SGSM1: variants seen among roughly 807,000 people sequenced by gnomAD.
The protein encoded by SGSM1 is RUN and TBC1 domain containing 2.
In SGSM1, 73 loss-of-function variants were observed where a neutral mutation model predicts 133.8. The observed-to-expected ratio is 0.55, with a 90% CI of 0.45 to 0.66. The LOEUF is 0.66. SGSM1 is among the 30% of genes least tolerant of loss of function. SGSM1 has a pLI of 0.00. For synonymous variants in SGSM1, 563 were observed against 573.0 expected, an observed-to-expected ratio of 0.98 and a Z score of 0.25; for missense variants, 1,213 against 1,448.1, an observed-to-expected ratio of 0.84 and a Z score of 2.64.
chr22:24,870,179 A>G (rs1409705925), intron 12 of SGSM1, among the ~76,000 whole-genome samples: 1 of 152,192 alleles, frequency 6.6e-6, no homozygotes, highest in East Asian at 1.9e-4. Context: ...CCTGCCCTGG[A>G]TCAGGGCCTC....
intron 13 of SGSM1, 102 bp downstream of exon 13, chr22:24,876,817 C>G (rs752587862): frequency 6.8e-7 from 1 of 1,478,924 alleles, no homozygotes; most frequent in South Asian, 1.3e-5. Flanking sequence ...TGAGCATAAC[C>G]TGCGGACTCA....
At position 24,913,307 on chromosome 22, in the gene SGSM1, A is replaced by AAAAG. The variant is rs1555938959; in HGVS notation, c.2928+563_2928+566dup. On this transcript the variant is annotated intron_variant, in intron 22 of 24. Transcript: ENST00000400358. Reference sequence around the variant, plus strand: ...GACTCCATCTCAAAAAAAAAAAAAAAAAAGAAAGAAAAAAAGAAGTGCAAA... The same window carrying AAAAG: ...GACTCCATCTCAAAAAAAAAAAAAAAAAAGAAAGAAAGAAAAAAAGAAGTGCAAA... 8.0e-3 allele frequency among the ~76,000 whole-genome samples: 1,141 copies of AAAAG among 142,398 alleles called. 35 individuals carry two copies. The highest frequency in any genetic ancestry group is 0.017 in the East Asian group (75 of 4,542). The allele number at this position is 142,398 out of a possible 152,430, so 93.4% of individuals were successfully genotyped here. A position where few individuals can be genotyped will look rare whatever the true frequency, so the allele number is the denominator to read the frequency against.
At chr22:24,817,651 A>G (rs1303217992) in intron 2 of SGSM1, among the ~76,000 whole-genome samples, 3 of 151,798 alleles carry the variant, frequency 2.0e-5, no homozygotes, top group African/African-American at 7.3e-5. Context: ...GCTCCCGGCC[A>G]TGAGTATCCT....
Position 24,841,097 on chromosome 22 carries a change from G to C in SGSM1, c.64-3800G>C, listed in dbSNP as rs374743896. Among the ~76,000 whole-genome samples the C allele has an allele frequency of 6.6e-5, 10 of 152,126 alleles. No homozygotes were observed. In the East Asian group the frequency reaches 7.7e-4, roughly 12 times the overall value. ...GATCTCCTGACCTTGTGATCCGCCC[G>C]CCTTGGCCTCCCAAAGTGCTGGGAT... On this transcript the variant is annotated intron_variant, in intron 2 of 24. Coordinates refer to ENST00000400358, the MANE Select transcript of SGSM1 (RefSeq NM_001098497.3).
chr22:24,841,624 C>T (rs1929811022), intron 2 of SGSM1, among the ~76,000 whole-genome samples: 1 of 152,172 alleles, frequency 6.6e-6, no homozygotes, highest in South Asian at 2.1e-4. Flanking sequence ...GAGTCTACAG[C>T]ATTGATTCAG....
intron 2 of SGSM1, among the ~76,000 whole-genome samples, chr22:24,841,518 AT>A (rs1357996551): frequency 1.3e-5 from 2 of 152,114 alleles, no homozygotes; most frequent in African/African-American, 2.4e-5. Flanking sequence ...CCTTATTGAT[AT>A]TCTGTCTGGT....
chr22:24,868,355 T>C (rs954850379), intron 10 of SGSM1, 21 bp from the exon 11 acceptor site: 2 of 1,601,590 alleles, frequency 1.2e-6, no homozygotes, highest in African/African-American at 1.3e-5. Flanking sequence ...CTGGGTCTTC[T>C]CTGGCTGGTG....
At chr22:24,808,474 G>A (rs1024923807) in intron 2 of SGSM1, among the ~76,000 whole-genome samples, 7 of 152,106 alleles carry the variant, frequency 4.6e-5, no homozygotes, top group Admixed American at 6.6e-5. Flanking sequence ...TCAGTGGAGG[G>A]GCATGTACCT....
At chr22:24,851,444 TGG>T (rs1264899608) in intron 5 of SGSM1, among the ~76,000 whole-genome samples, 2 of 29,798 alleles carry the variant, frequency 6.7e-5, no homozygotes, top group Admixed American at 4.0e-4. Flanking sequence ...GAGGGGGGGG[TGG>T]GGGGAGAGAG....
In SGSM1 at chr22:24,827,764, C is replaced by T. The variant is rs552856329; in HGVS notation, c.64-17133C>T. The stretch of plus-strand genomic sequence containing the variant: ...ACCCACCTCACTTAACAGATACCCA[C>T]ATGACGTTGGAAACTTGCCCAACAT... On this transcript the variant is annotated intron_variant, in intron 2 of 24. Transcript: ENST00000400358. Among the ~76,000 whole-genome samples the T allele has an allele frequency of 7.9e-5, 12 of 152,210 alleles. No homozygotes were observed. In the East Asian group the frequency reaches 2.1e-3, roughly 27 times the overall value.
chr22:24,898,467 A>G lies in SGSM1; in HGVS notation c.2518A>G (p.Met840Val), dbSNP rs957456608. Residue 840 changes from methionine to valine, a missense_variant, in exon 19 of 25, where the codon ATG (methionine) becomes GTG (valine). Coordinates refer to ENST00000400358, the MANE Select transcript of SGSM1 (RefSeq NM_001098497.3). ...GGACAACCTCTCGGAGGAGCCTGAG[A>G]TGGAAAGTCTCTTCCCTGCCCTGGC... ...SEDNLSEEPE[M>V]ESLFPALASL... 1 of 1,613,866 alleles carries G rather than the reference A, an allele frequency of 6.2e-7. No individual in the cohort carries two copies.
chr22:24,901,428 A>G (rs1933157366), intron 19 of SGSM1, among the ~76,000 whole-genome samples: 1 of 152,068 alleles, frequency 6.6e-6, no homozygotes, highest in African/African-American at 2.4e-5. Context: ...GTGTTTTCTC[A>G]CCTTTCTGAG....
rs78767763 is a variant in SGSM1 at position 24,881,595 on chromosome 22, A to AC, written c.1495+2069_1495+2070insC. Among the ~76,000 whole-genome samples, 50 of 151,768 alleles carry AC rather than the reference A, an allele frequency of 3.3e-4. No homozygotes were observed. In the South Asian group the frequency reaches 5.9e-3, roughly 18 times the overall value. On this transcript the variant is annotated intron_variant, in intron 14 of 24. Coordinates refer to ENST00000400358, the MANE Select transcript of SGSM1 (RefSeq NM_001098497.3). ...ACAAAACAAAACAAAACAAAACAAA[A>AC]AAAACCAGCAACAACAACAAAAATA...
At chr22:24,886,397 C>A (rs1601955407) in intron 15 of SGSM1, among the ~76,000 whole-genome samples, 1 of 151,318 alleles carries the variant, frequency 6.6e-6, no homozygotes, top group Admixed American at 6.6e-5. Context: ...CGCTCTGTCT[C>A]AAAGAGAAGA....
rs1241721033 is a variant in SGSM1, at chr22:24,924,888, C to T, written c.*614C>T. Reference sequence around the variant, plus strand: ...CCAGTAGTGCCATCCCCCAACCATACCCCTGGTTGTGACAGCCCCCAAAAA... The same window carrying T: ...CCAGTAGTGCCATCCCCCAACCATATCCCTGGTTGTGACAGCCCCCAAAAA... On this transcript the variant is annotated 3_prime_UTR_variant, in exon 25 of 25. Coordinates refer to ENST00000400358, the MANE Select transcript of SGSM1 (RefSeq NM_001098497.3). 6.5e-6 allele frequency: 1 copy of T among 152,686 alleles called. No homozygotes were observed. Among genetic ancestry groups the T allele is most frequent in the Non-Finnish European group, 1.5e-5 (1 of 68,456 alleles). The allele number at this position is 152,686 out of a possible 1,614,324, so 9.5% of individuals were successfully genotyped here.
chr22:24,893,785 C>T (rs1237372103), intron 17 of SGSM1, among the ~76,000 whole-genome samples, 172 bp downstream of exon 17: 1 of 152,142 alleles, frequency 6.6e-6, no homozygotes, highest in Non-Finnish European at 1.5e-5. Context: ...TGAATTCAAA[C>T]TCTAGTCCCA....
At chr22:24,858,894 A>G (rs1421920907) in intron 8 of SGSM1, among the ~76,000 whole-genome samples, 1 of 152,260 alleles carries the variant, frequency 6.6e-6, no homozygotes, top group Non-Finnish European at 1.5e-5. Flanking sequence ...GACGCTTTGA[A>G]CAGCTGTGGC....
At chr22:24,811,226 A>G (rs1175450105) in intron 2 of SGSM1, among the ~76,000 whole-genome samples, 2 of 152,106 alleles carry the variant, frequency 1.3e-5, no homozygotes, top group Non-Finnish European at 2.9e-5. Context: ...CCCTCAGCCC[A>G]CCACCACTAG....
chr22:24,864,311 T>C (rs1931328700), intron 9 of SGSM1, among the ~76,000 whole-genome samples: 1 of 152,138 alleles, frequency 6.6e-6, no homozygotes, highest in African/African-American at 2.4e-5. Context: ...ATTCTGCTCA[T>C]AGGGATCTAC....
Sources: allele counts gnomAD v4.1 joint callset (sites outside exome capture counted in the v4.1 genomes callset), GRCh38; gene constraint gnomAD v4.1.1; transcripts MANE v1.5; gene names NCBI Gene and HGNC (gene_info 2026-07-23, HGNC 2026-07-21).